The following SNTB1 variants were observed in gnomAD, a reference collection of about 807,000 sequenced individuals.
The protein encoded by SNTB1 is beta-1-syntrophin.
Under a neutral mutation model 48.9 loss-of-function variants are expected in SNTB1, and 36 were observed. The ratio of observed to expected loss-of-function variants is 0.74; its 90% CI spans 0.56 to 0.97. The LOEUF (loss-of-function observed/expected upper bound fraction) is 0.97. Among genes scored for constraint, SNTB1 ranks in the 50% least tolerant of loss-of-function variants. The pLI is 0.00. For synonymous variants in SNTB1, 299 were observed against 294.6 expected, an observed-to-expected ratio of 1.01 and a Z score of -0.15; for missense variants, 786 against 703.4, an observed-to-expected ratio of 1.12 and a Z score of -1.33.
chr8:120,652,913 A>T (rs1364771307), intron 2 of SNTB1, among the ~76,000 whole-genome samples: 1 of 152,216 alleles, frequency 6.6e-6, no homozygotes, highest in Non-Finnish European at 1.5e-5. Flanking sequence ...TTCTATTAGT[A>T]AAGAGTCAAG....
chr8:120,703,212 C>T (rs915174830), intron 1 of SNTB1, among the ~76,000 whole-genome samples: 1 of 152,198 alleles, frequency 6.6e-6, no homozygotes. Context: ...GCAACCTCCG[C>T]CTCCTGGGTT....
intron 1 of SNTB1, among the ~76,000 whole-genome samples, chr8:120,780,315 T>G (rs1309829964): frequency 6.6e-6 from 1 of 152,246 alleles, no homozygotes; most frequent in Non-Finnish European, 1.5e-5. Flanking sequence ...TATTTATCTG[T>G]GACTATTGCA....
chr8:120,578,711 G>A (rs948630290), intron 3 of SNTB1, among the ~76,000 whole-genome samples: 5 of 152,176 alleles, frequency 3.3e-5, no homozygotes, highest in Non-Finnish European at 7.3e-5. Flanking sequence ...GAGAGGAAAG[G>A]TTTACAAAAT....
intron 1 of SNTB1, among the ~76,000 whole-genome samples, chr8:120,801,198 A>G (rs944627665): frequency 6.6e-6 from 1 of 152,054 alleles, no homozygotes; most frequent in African/African-American, 2.4e-5. Flanking sequence ...TTCATTGCAG[A>G]TGAAAGAATG....
intron 2 of SNTB1, among the ~76,000 whole-genome samples, chr8:120,634,852 A>ATTTT (rs11347235): frequency 1.4e-5 from 2 of 139,236 alleles, no homozygotes; most frequent in Non-Finnish European, 1.6e-5. Flanking sequence ...ATTAGTATTC[A>ATTTT]TTTTTTTTTT....
At chr8:120,637,885 G>A (rs11780390) in intron 2 of SNTB1, 54,300 of 230,450 alleles carry the variant, frequency 0.24, 6,779 homozygotes, top group Non-Finnish European at 0.27. Flanking sequence ...TTTTGATGCC[G>A]AGTTAAAATC....
chr8:120,632,678 G>A (rs774330737), intron 2 of SNTB1, 27 bp from the exon 3 acceptor site: 1 of 1,605,606 alleles, frequency 6.2e-7, no homozygotes, highest in Admixed American at 1.7e-5. Flanking sequence ...AGAAGGGTTA[G>A]AAAGTTTCCT....
intron 1 of SNTB1, among the ~76,000 whole-genome samples, chr8:120,761,000 C>A (rs147742890): frequency 6.6e-6 from 1 of 152,004 alleles, no homozygotes; most frequent in Non-Finnish European, 1.5e-5. Flanking sequence ...AAAGAACACA[C>A]GCAAAAGTTA....
chr8:120,775,260 A>T (rs1819711719), intron 1 of SNTB1: 1 of 152,120 alleles, frequency 6.6e-6, no homozygotes, highest in African/African-American at 2.4e-5. Flanking sequence ...GACTTACCGA[A>T]AAAACTCATT....
Position 120,686,071 on chromosome 8 carries a change from A to G in SNTB1, c.788+7621T>C, listed in dbSNP as rs72682541. 6.6e-5 allele frequency among the ~76,000 whole-genome samples: 10 copies of G among 152,226 alleles called. No individual in the cohort carries two copies. The South Asian group carries it at 8.3e-4, about 13-fold the overall frequency. On this transcript the variant is annotated intron_variant, in intron 2 of 6. Coordinates refer to ENST00000517992, the MANE Select transcript of SNTB1 (RefSeq NM_021021.4). ...ATACCAATATTCTGACCATGGCCAC[A>G]TAAGATAATTTCGAAGAAGACTGAG... is the stretch of plus-strand genomic sequence containing the variant.
rs540818896 is a variant in SNTB1, at chr8:120,712,268, A to C, written c.572-18360T>G. Among the ~76,000 whole-genome samples the C allele has an allele frequency of 5.9e-5, 9 of 152,040 alleles. No individual in the cohort carries two copies. In the South Asian group the frequency reaches 1.5e-3, roughly 25 times the overall value. ...TCTCTACTAAAAATATAAAAAAATT[A>C]GCCAGGCGTGGTGGCGGGTGCCTGT... On this transcript the variant is annotated intron_variant, in intron 1 of 6. Coordinates refer to ENST00000517992, the MANE Select transcript of SNTB1 (RefSeq NM_021021.4).
At chr8:120,576,313 A>G (rs1311944648) in intron 3 of SNTB1, among the ~76,000 whole-genome samples, 3 of 152,272 alleles carry the variant, frequency 2.0e-5, no homozygotes, top group Admixed American at 2.0e-4. Flanking sequence ...TTCAGAATCA[A>G]AGAAAATTAG....
At chr8:120,611,277 T>TC (rs1225233940) in intron 3 of SNTB1, among the ~76,000 whole-genome samples, 3 of 151,518 alleles carry the variant, frequency 2.0e-5, no homozygotes, top group Admixed American at 6.6e-5. Context: ...AGTTAAACCT[T>TC]CCCCCAAGAG....
chr8:120,720,622 A>G (rs1010998868), intron 1 of SNTB1, among the ~76,000 whole-genome samples: 2 of 152,240 alleles, frequency 1.3e-5, no homozygotes, highest in Non-Finnish European at 2.9e-5. Context: ...AGCTTCACAT[A>G]AGTGCTATGA....
At chr8:120,622,239 C>T (rs1262675753) in intron 3 of SNTB1, among the ~76,000 whole-genome samples, 1 of 152,156 alleles carries the variant, frequency 6.6e-6, no homozygotes, top group Non-Finnish European at 1.5e-5. Context: ...TCTCTGTTTT[C>T]ACCTTGATGC....
intron 2 of SNTB1, among the ~76,000 whole-genome samples, chr8:120,667,213 T>G (rs1020547134): frequency 2.0e-5 from 3 of 151,418 alleles, no homozygotes; most frequent in African/African-American, 7.3e-5. Flanking sequence ...CTCAAGCCTC[T>G]GGGCTCAAGC....
chr8:120,728,714 C>G (rs1428383677), intron 1 of SNTB1, among the ~76,000 whole-genome samples: 2 of 152,122 alleles, frequency 1.3e-5, no homozygotes, highest in African/African-American at 4.8e-5. Flanking sequence ...TGTATATGTA[C>G]CACATTTTCT....
chr8:120,596,063 C>T (rs543159456), intron 3 of SNTB1, among the ~76,000 whole-genome samples: 1 of 152,260 alleles, frequency 6.6e-6, no homozygotes, highest in Admixed American at 6.5e-5. Flanking sequence ...AATGCCCCTG[C>T]CCATGTTCAA....
At chr8:120,559,293 T>A (rs755567319) in intron 4 of SNTB1, among the ~76,000 whole-genome samples, 2 of 152,244 alleles carry the variant, frequency 1.3e-5, no homozygotes, top group Non-Finnish European at 2.9e-5. Context: ...GAGGTAGAGT[T>A]ACCTTCTTTT....
Sources: gnomAD v4.1 joint callset for allele counts (sites outside exome capture counted in the v4.1 genomes callset) on GRCh38, gnomAD v4.1.1 for gene constraint, MANE v1.5 for transcripts, NCBI Gene and HGNC (gene_info 2026-07-23, HGNC 2026-07-21) for gene names.